Variants in BCL2L11 observed in about 807,000 individuals in gnomAD.
The protein encoded by BCL2L11 is BCL2 like 11, also known as bcl-2-like protein 11.
In BCL2L11, 15 loss-of-function variants were observed where a neutral mutation model predicts 20.6. The observed-to-expected ratio is 0.73, with a 90% CI of 0.49 to 1.12. BCL2L11 has a LOEUF of 1.12. Ranked by LOEUF, BCL2L11 falls within the 50% of genes most tolerant of loss-of-function variation. The pLI, the probability that BCL2L11 is intolerant of heterozygous loss-of-function variation, is 0.00. For synonymous variants in BCL2L11, 108 were observed against 92.8 expected, an observed-to-expected ratio of 1.16 and a Z score of -0.94; for missense variants, 292 against 260.9, an observed-to-expected ratio of 1.12 and a Z score of -0.82.
chr2:111,141,372 G>A (rs1045343418), intron 2 of BCL2L11, among the ~76,000 whole-genome samples: 22 of 151,730 alleles, frequency 1.4e-4, no homozygotes, highest in African/African-American at 4.8e-4. Context: ...TAGGGACATG[G>A]ATGAAATTGG....
In BCL2L11 at chr2:111,123,819, C is replaced by G. The variant is rs1327265816; in HGVS notation, c.74C>G (p.Pro25Arg). 1 of 1,509,558 alleles carries G rather than the reference C, an allele frequency of 6.6e-7. No individual in the cohort carries two copies. The highest frequency in any genetic ancestry group is 8.8e-7 in the Non-Finnish European group (1 of 1,130,154). The allele number at this position is 1,509,558 out of a possible 1,614,324, so 93.5% of individuals were successfully genotyped here. A position where few individuals can be genotyped will look rare whatever the true frequency, so the allele number is the denominator to read the frequency against. ...EGRQLQPAER[P>R]PQLRPGAPTS... is the part of the protein sequence containing the mutation. The stretch of plus-strand genomic sequence containing the variant: ...AGACAATTGCAGCCTGCGGAGAGGC[C>G]TCCCCAGCTCAGACCTGGGGCCCCT... Residue 25 changes from proline (P) to arginine (R), a missense_variant, in exon 2 of 4, where the codon CCT (proline) becomes CGT (arginine). Transcript: ENST00000393256.
chr2:111,123,253 C>T, intron 1 of BCL2L11: 2 of 985,480 alleles, frequency 2.0e-6, no homozygotes, highest in Non-Finnish European at 2.4e-6. Context: ...CCAGACCTTC[C>T]CCAGACTTGC....
rs190139193 is a variant in BCL2L11 at position 111,126,332 on chromosome 2, A to G, written c.394+2193A>G. ...ATAATCTAAATAATTATGCACAGCT[A>G]ATGGTTATACCTGTGAAGTAAAGTA... On this transcript the variant is annotated intron_variant, in intron 2 of 3. Transcript: ENST00000393256. Among the ~76,000 whole-genome samples, 5 of 152,298 alleles carry G rather than the reference A, an allele frequency of 3.3e-5. No individual in the cohort carries two copies. The East Asian group carries it at 9.7e-4, about 30-fold the overall frequency.
At chr2:111,123,664 G>C in intron 1 of BCL2L11, 69 bp from the exon 2 acceptor site, 1 of 1,330,768 alleles carries the variant, frequency 7.5e-7, no homozygotes, top group Non-Finnish European at 9.8e-7. Flanking sequence ...CGCTAGGTGA[G>C]AGCTAATTTG....
chr2:111,133,807 T>C (rs2074376297), intron 2 of BCL2L11, among the ~76,000 whole-genome samples: 4 of 152,208 alleles, frequency 2.6e-5, no homozygotes, highest in African/African-American at 9.6e-5. Flanking sequence ...GTTCTGTCAG[T>C]TGCTGAGAAT....
rs116628071 is a variant in BCL2L11 at position 111,136,810 on chromosome 2, T to C, written c.394+12671T>C. Among the ~76,000 whole-genome samples the C allele has an allele frequency of 9.9e-3, 1,513 of 152,326 alleles. 32 individuals carry two copies. Among genetic ancestry groups the C allele is most frequent in the African/African-American group, 0.034 (1,413 of 41,568 alleles). ...GAGTTTTGGGGGCATGTAACGTTTA[T>C]ACCATAGCAGTATCAGTTGGCTCTG... On this transcript the variant is annotated intron_variant, in intron 2 of 3. Transcript: ENST00000393256.
intron 3 of BCL2L11, among the ~76,000 whole-genome samples, chr2:111,152,962 C>G (rs1244643565): frequency 6.6e-6 from 1 of 152,176 alleles, no homozygotes; most frequent in African/African-American, 2.4e-5. Flanking sequence ...AGTCACAAAT[C>G]ATTAAAGGAC....
intron 3 of BCL2L11, chr2:111,151,895 T>C: frequency 6.5e-7 from 1 of 1,545,434 alleles, no homozygotes; most frequent in Non-Finnish European, 8.8e-7. Context: ...TCTGAAATGG[T>C]AATTTTTTTG....
At chr2:111,126,258 T>C (rs1030428020) in intron 2 of BCL2L11, among the ~76,000 whole-genome samples, 3 of 152,188 alleles carry the variant, frequency 2.0e-5, no homozygotes, top group Non-Finnish European at 4.4e-5. Flanking sequence ...AAGCTAATTA[T>C]AAGTTAAGCA....
intron 3 of BCL2L11, among the ~76,000 whole-genome samples, chr2:111,156,652 G>A (rs181288211): frequency 2.0e-5 from 3 of 152,154 alleles, no homozygotes; most frequent in East Asian, 3.9e-4. Flanking sequence ...TCTGTTACTC[G>A]TTGAAGCCAG....
At position 111,120,949 on chromosome 2, in the gene BCL2L11, T is replaced by C; in HGVS notation, c.-253T>C. ...GCGCAGCCGCCTGGTCTGCAGTTTG[T>C]TGGAGCTCTGCGTCCAGCGCCGCTG... On this transcript the variant is annotated 5_prime_UTR_variant, in exon 1 of 4. Transcript: ENST00000393256. 2.7e-6 allele frequency: 1 copy of C among 371,988 alleles called. No individual in the cohort carries two copies. Among genetic ancestry groups the C allele is most frequent in the Non-Finnish European group, 4.7e-6 (1 of 211,850 alleles). 23.0% of individuals were successfully genotyped at this position (371,988 alleles called of 1,614,324 possible). A position where few individuals can be genotyped will look rare whatever the true frequency, so the allele number is the denominator to read the frequency against.
chr2:111,123,119 G>A (rs182971667), intron 1 of BCL2L11: 1 of 982,722 alleles, frequency 1.0e-6, no homozygotes, highest in South Asian at 4.7e-5. Context: ...GTCTGATTCG[G>A]TGCGGCGTGC....
Position 111,166,207 on chromosome 2 carries a change from C to CA in BCL2L11, c.*1977dup, listed in dbSNP as rs2079011513. 1 of 152,724 alleles carries CA rather than the reference C, an allele frequency of 6.5e-6. No homozygotes were observed. Among genetic ancestry groups the CA allele is most frequent in the Admixed American group, 6.5e-5 (1 of 15,290 alleles). 9.5% of individuals were successfully genotyped at this position (152,724 alleles called of 1,614,324 possible). Reference sequence around the variant, plus strand: ...CACCCCCTCCCAGGATCCCTGTACTCACGTGCCAGTCTCCTGACTAGAGCA... The same window carrying CA: ...CACCCCCTCCCAGGATCCCTGTACTCAACGTGCCAGTCTCCTGACTAGAGCA... On this transcript the variant is annotated 3_prime_UTR_variant, in exon 4 of 4. Coordinates refer to ENST00000393256, the MANE Select transcript of BCL2L11 (RefSeq NM_138621.5).
chr2:111,120,924 G>A lies in BCL2L11; in HGVS notation c.-278G>A. ...GGCCGCGCAGGTTTCACTTCGCTCC[G>A]CGCAGCCGCCTGGTCTGCAGTTTGT... On this transcript the variant is annotated 5_prime_UTR_variant, in exon 1 of 4. Coordinates refer to ENST00000393256, the MANE Select transcript of BCL2L11 (RefSeq NM_138621.5). 1 of 342,818 alleles carries A rather than the reference G, an allele frequency of 2.9e-6. No homozygotes were observed. 21.2% of individuals were successfully genotyped at this position (342,818 alleles called of 1,614,324 possible).
At chr2:111,136,948 C>CT (rs1180653255) in intron 2 of BCL2L11, among the ~76,000 whole-genome samples, 1 of 152,112 alleles carries the variant, frequency 6.6e-6, no homozygotes, top group African/African-American at 2.4e-5. Context: ...TCCAGGCCAC[C>CT]TTTTTCAGAT....
At chr2:111,159,643 A>G in intron 3 of BCL2L11, among the ~76,000 whole-genome samples, 1 of 152,204 alleles carries the variant, frequency 6.6e-6, no homozygotes. Flanking sequence ...GTGTTCTGTG[A>G]TTATTTTGGC....
intron 2 of BCL2L11, among the ~76,000 whole-genome samples, chr2:111,129,264 A>G (rs2073376481): frequency 6.6e-6 from 1 of 152,208 alleles, no homozygotes; most frequent in African/African-American, 2.4e-5. Flanking sequence ...TCTTCGAGGG[A>G]GTCCCAGCTC....
intron 2 of BCL2L11, chr2:111,128,703 C>G: frequency 6.4e-7 from 1 of 1,550,606 alleles, no homozygotes; most frequent in Non-Finnish European, 8.7e-7. Context: ...TGTATGGCCA[C>G]CACCATAGTC....
Position 111,123,029 on chromosome 2 carries a change from G to T in BCL2L11, c.-13-704G>T, listed in dbSNP as rs895022873. 1.4e-5 allele frequency: 14 copies of T among 982,364 alleles called. No individual in the cohort carries two copies. The African/African-American group carries it at 2.1e-4, about 15-fold the overall frequency. 60.9% of individuals were successfully genotyped at this position (982,364 alleles called of 1,614,324 possible). A position where few individuals can be genotyped will look rare whatever the true frequency, so the allele number is the denominator to read the frequency against. On this transcript the variant is annotated intron_variant, in intron 1 of 3. Transcript: ENST00000393256. Reference sequence around the variant, plus strand: ...TGCGGACCTAGTTGTAGACCTTGCAGGCGTTCGCTTCGTCGCCCTCCGCCG... The same window carrying T: ...TGCGGACCTAGTTGTAGACCTTGCATGCGTTCGCTTCGTCGCCCTCCGCCG...
Sources: allele counts gnomAD v4.1 joint callset (sites outside exome capture counted in the v4.1 genomes callset), GRCh38; gene constraint gnomAD v4.1.1; transcripts MANE v1.5; gene names NCBI Gene and HGNC (gene_info 2026-07-23, HGNC 2026-07-21).